Variants in STXBP5L observed in about 807,000 individuals in gnomAD.
The protein encoded by STXBP5L is syntaxin-binding protein 5-like.
In STXBP5L, 65 loss-of-function variants were observed where a neutral mutation model predicts 144.5. The observed-to-expected ratio is 0.45, with a 90% confidence interval of 0.37 to 0.55. STXBP5L has a LOEUF of 0.55. Ranked by LOEUF, STXBP5L falls within the 20% of genes least tolerant of loss-of-function variation. The probability of loss-of-function intolerance (pLI) is 0.00; values close to 1 mark genes in which losing one functional copy is unlikely to be tolerated. For synonymous variants in STXBP5L, 505 were observed against 469.6 expected (o/e 1.08, Z -0.97); for missense variants, 1,298 against 1,405.5 (o/e 0.92, Z 1.22).
intron 2 of STXBP5L, among the ~76,000 whole-genome samples, chr3:120,925,562 A>T (rs376791344): frequency 2.4e-4 from 37 of 152,170 alleles, no homozygotes; most frequent in African/African-American, 8.9e-4. Flanking sequence ...TGTAAGGAGT[A>T]TATAGTTGGG....
intron 9 of STXBP5L, among the ~76,000 whole-genome samples, chr3:121,175,455 G>A (rs2046896113): frequency 6.6e-6 from 1 of 152,084 alleles, no homozygotes; most frequent in African/African-American, 2.4e-5. Flanking sequence ...AATTTATGAG[G>A]CATATGACAA....
chr3:121,181,247 T>C (rs2047140661), intron 9 of STXBP5L, among the ~76,000 whole-genome samples: 1 of 144,330 alleles, frequency 6.9e-6, no homozygotes, highest in South Asian at 2.2e-4. Flanking sequence ...ACCTGGGAGG[T>C]GGAGGTATCA....
intron 5 of STXBP5L, among the ~76,000 whole-genome samples, chr3:121,074,422 C>A (rs987423667): frequency 2.0e-5 from 3 of 152,132 alleles, no homozygotes; most frequent in Non-Finnish European, 4.4e-5. Context: ...CAAGACAAGG[C>A]ACATCTTTGC....
At chr3:121,418,155 T>C (rs1046768710) in intron 25 of STXBP5L, among the ~76,000 whole-genome samples, 182 bp from the exon 26 acceptor site, 19 of 152,198 alleles carry the variant, frequency 1.2e-4, no homozygotes, top group Non-Finnish European at 2.5e-4. Flanking sequence ...TCACAGTCTC[T>C]TTCTTAGCAT....
intron 3 of STXBP5L, among the ~76,000 whole-genome samples, chr3:120,963,318 T>C (rs756925045): frequency 6.6e-6 from 1 of 152,156 alleles, no homozygotes; most frequent in African/African-American, 2.4e-5. Flanking sequence ...TTATGTTGAA[T>C]AGGAATAGTG....
chr3:121,136,753 G>A (rs1418032777), intron 7 of STXBP5L, among the ~76,000 whole-genome samples: 1 of 152,134 alleles, frequency 6.6e-6, no homozygotes, highest in Admixed American at 6.5e-5. Flanking sequence ...ATTATAAATT[G>A]TTCTACCATA....
chr3:121,342,860 C>T (rs1363607483), intron 20 of STXBP5L, among the ~76,000 whole-genome samples: 1 of 148,852 alleles, frequency 6.7e-6, no homozygotes, highest in Non-Finnish European at 1.5e-5. Flanking sequence ...GGGTACATAC[C>T]CAGTAATGGG....
At chr3:120,948,756 AGTATTTTACGGT>A (rs1711012186) in intron 2 of STXBP5L, among the ~76,000 whole-genome samples, 1 of 151,956 alleles carries the variant, frequency 6.6e-6, no homozygotes. Flanking sequence ...ATGACAGAGT[AGTATTTTACGGT>A]GTATATATAC....
intron 5 of STXBP5L, among the ~76,000 whole-genome samples, chr3:121,060,426 A>C (rs898928413): frequency 2.0e-5 from 3 of 152,166 alleles, no homozygotes; most frequent in African/African-American, 7.2e-5. Context: ...TATTGGCCTG[A>C]AATTTTCCTT....
chr3:121,358,200 G>T (rs941944085), intron 20 of STXBP5L, among the ~76,000 whole-genome samples: 1 of 152,058 alleles, frequency 6.6e-6, no homozygotes, highest in Non-Finnish European at 1.5e-5. Context: ...CAAATAGTAG[G>T]TCTGATTCTT....
At chr3:121,228,028 T>A (rs910088715) in intron 11 of STXBP5L, among the ~76,000 whole-genome samples, 45 of 152,182 alleles carry the variant, frequency 3.0e-4, no homozygotes, top group African/African-American at 1.0e-3. Context: ...AAGATTTGGG[T>A]CCTGGAGAGA....
At chr3:121,359,843 A>G (rs1206832848) in intron 20 of STXBP5L, among the ~76,000 whole-genome samples, 1 of 151,620 alleles carries the variant, frequency 6.6e-6, no homozygotes, top group Admixed American at 6.6e-5. Context: ...TATTTTGGTA[A>G]CTATACCTCT....
chr3:121,352,114 G>A (rs956548683), intron 20 of STXBP5L, among the ~76,000 whole-genome samples: 3 of 152,104 alleles, frequency 2.0e-5, no homozygotes, highest in East Asian at 1.9e-4. Context: ...AAGTCAGGTA[G>A]CATGATGCCT....
chr3:121,204,665 C>T (rs1408576027), intron 9 of STXBP5L, among the ~76,000 whole-genome samples: 1 of 151,606 alleles, frequency 6.6e-6, no homozygotes, highest in African/African-American at 2.4e-5. Context: ...TAATGTATTA[C>T]ATAGGTATCT....
At position 121,347,268 on chromosome 3, in the gene STXBP5L, T is replaced by C. The variant is rs540948937; in HGVS notation, c.2176+28728T>C. On this transcript the variant is annotated intron_variant, in intron 20 of 26. Coordinates refer to ENST00000471454, the MANE Select transcript of STXBP5L (RefSeq NM_001308330.2). ...GTCAAAGATCAGATAGTTGTAGATA[T>C]GTGGCATTATTTCTGAGGGCTCTAT... Among the ~76,000 whole-genome samples the C allele has an allele frequency of 8.5e-5, 13 of 152,294 alleles. No homozygotes were observed. The East Asian group carries it at 1.9e-3, about 23-fold the overall frequency.
intron 7 of STXBP5L, among the ~76,000 whole-genome samples, chr3:121,146,878 C>T (rs956004650): frequency 1.3e-5 from 2 of 151,962 alleles, no homozygotes; most frequent in Non-Finnish European, 2.9e-5. Flanking sequence ...AAAACATGTG[C>T]TTATCTGAAT....
chr3:121,257,070 T>C (rs2050229679), intron 16 of STXBP5L, 91 bp from the exon 17 acceptor site: 1 of 1,028,102 alleles, frequency 9.7e-7, no homozygotes. Context: ...TTATCAGGTA[T>C]TTTAATGTGA....
chr3:121,017,483 G>A (rs746289120), intron 3 of STXBP5L, among the ~76,000 whole-genome samples: 2 of 152,192 alleles, frequency 1.3e-5, no homozygotes, highest in Non-Finnish European at 2.9e-5. Context: ...TACAGATTGG[G>A]AAGGAAGAAA....
chr3:121,060,821 C>A (rs756489252), intron 5 of STXBP5L, among the ~76,000 whole-genome samples: 1 of 152,126 alleles, frequency 6.6e-6, no homozygotes, highest in Non-Finnish European at 1.5e-5. Flanking sequence ...TGGTGATATC[C>A]ACTTTATCAT....
Sources: allele counts gnomAD v4.1 joint callset (sites outside exome capture counted in the v4.1 genomes callset), GRCh38; gene constraint gnomAD v4.1.1; transcripts MANE v1.5; gene names NCBI Gene and HGNC (gene_info 2026-07-23, HGNC 2026-07-21).